CTDSPL: variants seen among roughly 807,000 people sequenced by gnomAD.
CTDSPL encodes the protein CTD small phosphatase-like protein.
CTDSPL carries 8 observed loss-of-function variants against 30.5 expected under a neutral mutation model. That is an observed-to-expected ratio of 0.26 (90% CI 0.15 to 0.47). The LOEUF (loss-of-function observed/expected upper bound fraction) is 0.47. Ranked by LOEUF, CTDSPL falls within the 20% of genes least tolerant of loss-of-function variation. The pLI is 0.99. For synonymous variants in CTDSPL, 110 were observed against 137.9 expected (o/e 0.80, Z 1.42); for missense variants, 248 against 366.1 (o/e 0.68, Z 2.63).
intron 1 of CTDSPL, among the ~76,000 whole-genome samples, chr3:37,874,779 C>G (rs1698117334): frequency 6.6e-6 from 1 of 152,044 alleles, no homozygotes; most frequent in South Asian, 2.1e-4. Flanking sequence ...GACACACGCA[C>G]ACACACAAGT....
intron 1 of CTDSPL, among the ~76,000 whole-genome samples, chr3:37,924,404 A>C (rs1698756808): frequency 6.6e-6 from 1 of 152,220 alleles, no homozygotes; most frequent in Admixed American, 6.5e-5. Context: ...GTGTGATAAA[A>C]ATGCCAAAAG....
Position 37,982,313 on chromosome 3 carries a change from GA to G in CTDSPL, c.*1447del. 3.0e-6 allele frequency: 1 copy of G among 336,430 alleles called. No individual in the cohort carries two copies. The highest frequency in any genetic ancestry group is 2.1e-5 in the African/African-American group (1 of 46,524). 20.8% of individuals were successfully genotyped at this position (336,430 alleles called of 1,614,324 possible). A position where few individuals can be genotyped will look rare whatever the true frequency, so the allele number is the denominator to read the frequency against. On this transcript the variant is annotated 3_prime_UTR_variant, in exon 8 of 8. Transcript: ENST00000273179. Reference sequence around the variant, plus strand: ...GGGAGAGGAAGAGCTCCCACAGGGAGAGCCCAGGCTCTCTTTGCAGCCTTTC... The same window carrying G: ...GGGAGAGGAAGAGCTCCCACAGGGAGGCCCAGGCTCTCTTTGCAGCCTTTC...
At chr3:37,942,993 G>T (rs956507086) in intron 1 of CTDSPL, among the ~76,000 whole-genome samples, 1 of 150,428 alleles carries the variant, frequency 6.6e-6, no homozygotes, top group African/African-American at 2.4e-5. Context: ...CCAGGATAGG[G>T]CAGGGACAAG....
intron 1 of CTDSPL, among the ~76,000 whole-genome samples, chr3:37,870,389 C>T (rs1322071036): frequency 6.6e-6 from 1 of 152,056 alleles, no homozygotes; most frequent in Non-Finnish European, 1.5e-5. Context: ...TTGATGCCTG[C>T]AGAATCTGTA....
intron 1 of CTDSPL, among the ~76,000 whole-genome samples, chr3:37,929,762 A>G (rs1698828393): frequency 6.6e-6 from 1 of 152,052 alleles, no homozygotes; most frequent in South Asian, 2.1e-4. Context: ...TATGCCTTTT[A>G]TATCTTTTTC....
intron 4 of CTDSPL, among the ~76,000 whole-genome samples, chr3:37,965,118 G>C (rs191042941): frequency 6.6e-6 from 1 of 152,312 alleles, no homozygotes; most frequent in Admixed American, 6.5e-5. Context: ...TTTGAAAGAT[G>C]TCCAACTCTG....
chr3:37,922,178 T>C (rs2125610883), intron 1 of CTDSPL, among the ~76,000 whole-genome samples: 1 of 149,616 alleles, frequency 6.7e-6, no homozygotes, highest in East Asian at 2.0e-4. Flanking sequence ...GAGGTTGCAG[T>C]GAGCCGAGAT....
At chr3:37,957,348 C>A (rs1395567354) in intron 3 of CTDSPL, among the ~76,000 whole-genome samples, 1 of 152,114 alleles carries the variant, frequency 6.6e-6, no homozygotes, top group African/African-American at 2.4e-5. Context: ...AGTTTCCTTT[C>A]TCAGGAACAG....
chr3:37,898,763 A>C (rs1029040754), intron 1 of CTDSPL, among the ~76,000 whole-genome samples: 1 of 152,176 alleles, frequency 6.6e-6, no homozygotes, highest in Non-Finnish European at 1.5e-5. Context: ...TCACAAGTGA[A>C]CCAAAAAATT....
At chr3:37,899,980 G>A (rs1698430867) in intron 1 of CTDSPL, among the ~76,000 whole-genome samples, 1 of 152,178 alleles carries the variant, frequency 6.6e-6, no homozygotes, top group Non-Finnish European at 1.5e-5. Context: ...AGACCATGAA[G>A]TAGGTCATGT....
chr3:37,866,794 C>T (rs1698015592), intron 1 of CTDSPL, among the ~76,000 whole-genome samples: 1 of 152,184 alleles, frequency 6.6e-6, no homozygotes, highest in Admixed American at 6.5e-5. Flanking sequence ...AAGCTTTGGG[C>T]TGCTAACAAA....
intron 1 of CTDSPL, among the ~76,000 whole-genome samples, chr3:37,938,352 A>G (rs2125618548): frequency 6.6e-6 from 1 of 150,478 alleles, no homozygotes; most frequent in Middle Eastern, 3.5e-3. Context: ...AAACCAGATC[A>G]GAATGAAAGA....
At chr3:37,913,662 C>T (rs1698609074) in intron 1 of CTDSPL, among the ~76,000 whole-genome samples, 1 of 152,108 alleles carries the variant, frequency 6.6e-6, no homozygotes. Flanking sequence ...GTCTATCTGC[C>T]TCATGTTATA....
chr3:37,863,087 G>A (rs1697964357), intron 1 of CTDSPL, among the ~76,000 whole-genome samples: 2 of 152,200 alleles, frequency 1.3e-5, no homozygotes, highest in Non-Finnish European at 2.9e-5. Flanking sequence ...GTCTGGGGGG[G>A]AGAAGAGGCA....
At chr3:37,871,972 C>A (rs989549859) in intron 1 of CTDSPL, among the ~76,000 whole-genome samples, 4 of 151,802 alleles carry the variant, frequency 2.6e-5, no homozygotes, top group African/African-American at 9.7e-5. Context: ...TTTGGTTTTT[C>A]TTTATATCTT....
At chr3:37,957,392 T>C (rs1699186446) in intron 3 of CTDSPL, among the ~76,000 whole-genome samples, 1 of 152,086 alleles carries the variant, frequency 6.6e-6, no homozygotes, top group African/African-American at 2.4e-5. Flanking sequence ...TAATTCTCAT[T>C]TTTCCTTTCT....
intron 5 of CTDSPL, among the ~76,000 whole-genome samples, chr3:37,969,181 A>G (rs1699334219): frequency 1.3e-5 from 2 of 152,246 alleles, no homozygotes; most frequent in African/African-American, 2.4e-5. Flanking sequence ...AGGCTGCCCA[A>G]TGGCATAGCA....
At chr3:37,884,616 G>A (rs920206774) in intron 1 of CTDSPL, among the ~76,000 whole-genome samples, 9 of 152,154 alleles carry the variant, frequency 5.9e-5, no homozygotes, top group Admixed American at 2.0e-4. Flanking sequence ...AGTCAGGGAA[G>A]GAGAGTTTGG....
At chr3:37,863,472 G>A (rs746801278) in intron 1 of CTDSPL, among the ~76,000 whole-genome samples, 7 of 152,204 alleles carry the variant, frequency 4.6e-5, no homozygotes, top group Non-Finnish European at 8.8e-5. Flanking sequence ...GTTTTGAAGG[G>A]TCAAGGAATC....
Sources: gnomAD v4.1 joint callset for allele counts (sites outside exome capture counted in the v4.1 genomes callset) on GRCh38, gnomAD v4.1.1 for gene constraint, MANE v1.5 for transcripts, NCBI Gene and HGNC (gene_info 2026-07-23, HGNC 2026-07-21) for gene names.